The following ZNRF2 variants were observed in gnomAD, a reference collection of about 807,000 sequenced individuals.
The protein encoded by ZNRF2 is zinc and ring finger 2.
ZNRF2 carries 16 observed loss-of-function variants against 20.4 expected under a neutral mutation model. That is an observed-to-expected ratio of 0.79 (90% CI 0.53 to 1.19). ZNRF2 has a LOEUF of 1.19. Ranked by LOEUF, ZNRF2 falls within the 50% of genes most tolerant of loss-of-function variation. The probability of loss-of-function intolerance (pLI) is 0.00; values close to 1 mark genes in which losing one functional copy is unlikely to be tolerated. For synonymous variants in ZNRF2, 178 were observed against 144.9 expected, an observed-to-expected ratio of 1.23 and a Z score of -1.64; for missense variants, 363 against 332.4, an observed-to-expected ratio of 1.09 and a Z score of -0.72.
rs1027063231 is a variant in ZNRF2 at position 30,366,351 on chromosome 7, G to T, written c.*339G>T. On this transcript the variant is annotated 3_prime_UTR_variant, in exon 5 of 5. Transcript: ENST00000323037. Reference sequence around the variant, plus strand: ...GCCAAAGTTAACTGATTTAAAAGTTGATTTACTTTTTATTAAGTTCTCCAG... The same window carrying T: ...GCCAAAGTTAACTGATTTAAAAGTTTATTTACTTTTTATTAAGTTCTCCAG... 3.3e-5 allele frequency: 5 copies of T among 152,492 alleles called. No homozygotes were observed. Among genetic ancestry groups the T allele is most frequent in the Non-Finnish European group, 7.4e-5 (5 of 67,980 alleles). The allele number at this position is 152,492 out of a possible 1,614,324, so 9.4% of individuals were successfully genotyped here. A position where few individuals can be genotyped will look rare whatever the true frequency, so the allele number is the denominator to read the frequency against.
intron 1 of ZNRF2, among the ~76,000 whole-genome samples, chr7:30,298,445 CTCTG>C (rs766537799): frequency 6.6e-6 from 1 of 152,152 alleles, no homozygotes; most frequent in African/African-American, 2.4e-5. Context: ...ATGTAGTGTC[CTCTG>C]TCTGGGCCAT....
intron 2 of ZNRF2, among the ~76,000 whole-genome samples, chr7:30,341,877 A>G (rs1486648717): frequency 1.3e-5 from 2 of 152,086 alleles, no homozygotes; most frequent in Non-Finnish European, 2.9e-5. Flanking sequence ...GTCTCTAAGA[A>G]CTTACTTTAT....
chr7:30,349,702 C>T (rs1226743754), intron 2 of ZNRF2, among the ~76,000 whole-genome samples: 1 of 151,902 alleles, frequency 6.6e-6, no homozygotes, highest in Admixed American at 6.6e-5. Flanking sequence ...CAGTAATAAG[C>T]TTGAAAATCA....
In ZNRF2 at chr7:30,362,412, G is replaced by T; in HGVS notation, c.707G>T (p.Cys236Phe). 6.3e-7 allele frequency: 1 copy of T among 1,598,694 alleles called. No homozygotes were observed. The highest frequency in any genetic ancestry group is 8.5e-7 in the Non-Finnish European group (1 of 1,170,140). Residue 236 changes from cysteine (C) to phenylalanine (F), a missense_variant, in exon 4 of 5, where the codon TGC (cysteine) becomes TTC (phenylalanine). Physicochemically the swap from Cys to Phe is radical, Grantham distance 205. This residue lies in a region of ZNRF2 where 61 missense variants were observed against 100.9 expected (regional missense o/e 0.60). Coordinates refer to ENST00000323037, the MANE Select transcript of ZNRF2 (RefSeq NM_147128.4). ...GAATGGTTTGAAGTAAATAGATCTTGCCCTGAGCACCCTTCAGATTAAGCG... is the reference window on the plus strand; with the variant it reads ...GAATGGTTTGAAGTAAATAGATCTTTCCCTGAGCACCCTTCAGATTAAGCG... Reference protein sequence around the residue: ...IDEWFEVNRSCPEHPSD With the variant: ...IDEWFEVNRSFPEHPSD
chr7:30,332,485 A>G (rs887032561), intron 2 of ZNRF2, among the ~76,000 whole-genome samples: 1 of 152,210 alleles, frequency 6.6e-6, no homozygotes, highest in African/African-American at 2.4e-5. Flanking sequence ...TAGCAAACAT[A>G]GTACCTAATA....
intron 2 of ZNRF2, among the ~76,000 whole-genome samples, chr7:30,330,016 T>C (rs999993489): frequency 5.9e-5 from 9 of 152,220 alleles, no homozygotes; most frequent in African/African-American, 2.2e-4. Flanking sequence ...TAAGATCATA[T>C]CTTATTGTAG....
intron 2 of ZNRF2, among the ~76,000 whole-genome samples, chr7:30,344,502 T>TG (rs1361906637): frequency 6.6e-6 from 1 of 152,192 alleles, no homozygotes; most frequent in Non-Finnish European, 1.5e-5. Context: ...AAGTTTTTTT[T>TG]GTACTTCTCT....
chr7:30,367,458 A>G lies in ZNRF2; in HGVS notation c.*1446A>G, dbSNP rs1041406779. On this transcript the variant is annotated 3_prime_UTR_variant, in exon 5 of 5. Transcript: ENST00000323037. ...TGGTGTACTTTACTTGGTATAATTT[A>G]AAGTTGCACAGTAAGTACTGTTTCC... 7 of 152,474 alleles carry G rather than the reference A, an allele frequency of 4.6e-5. No homozygotes were observed. The highest frequency in any genetic ancestry group is 1.3e-4 in the Admixed American group (2 of 15,272). The allele number at this position is 152,474 out of a possible 1,614,324, so 9.4% of individuals were successfully genotyped here.
chr7:30,305,800 C>G (rs985786659), intron 1 of ZNRF2, among the ~76,000 whole-genome samples: 2 of 152,050 alleles, frequency 1.3e-5, no homozygotes, highest in African/African-American at 4.8e-5. Context: ...TTAGTTTATC[C>G]TCTGGTACTT....
chr7:30,339,758 G>A (rs1345689975), intron 2 of ZNRF2, among the ~76,000 whole-genome samples: 10 of 152,082 alleles, frequency 6.6e-5, no homozygotes, highest in Admixed American at 5.9e-4. Flanking sequence ...CTCTTTTTTG[G>A]TTCCCTATGA....
intron 2 of ZNRF2, among the ~76,000 whole-genome samples, chr7:30,330,748 G>A (rs1799624901): frequency 6.6e-6 from 1 of 150,580 alleles, no homozygotes. Context: ...TCTGAAATTG[G>A]CATTTTTTTT....
chr7:30,291,471 T>G (rs1202230170), intron 1 of ZNRF2, among the ~76,000 whole-genome samples: 2 of 152,202 alleles, frequency 1.3e-5, no homozygotes, highest in East Asian at 3.8e-4. Flanking sequence ...TTAGGATTCT[T>G]TTAAAATATA....
At chr7:30,344,308 A>G (rs1336603329) in intron 2 of ZNRF2, among the ~76,000 whole-genome samples, 2 of 149,332 alleles carry the variant, frequency 1.3e-5, no homozygotes, top group Admixed American at 1.3e-4. Context: ...TTCTAATTGT[A>G]TTTCTTATAA....
chr7:30,297,250 T>C (rs1402351768), intron 1 of ZNRF2, among the ~76,000 whole-genome samples: 1 of 152,248 alleles, frequency 6.6e-6, no homozygotes, highest in East Asian at 1.9e-4. Context: ...TGAGACCCTC[T>C]GACCTACCCT....
chr7:30,334,898 A>C (rs1445616482), intron 2 of ZNRF2, among the ~76,000 whole-genome samples: 1 of 151,628 alleles, frequency 6.6e-6, no homozygotes, highest in Non-Finnish European at 1.5e-5. Context: ...GCAGAAATTA[A>C]TCTTTTTAGA....
chr7:30,290,797 T>A (rs1020633137), intron 1 of ZNRF2, among the ~76,000 whole-genome samples: 9 of 151,436 alleles, frequency 5.9e-5, no homozygotes, highest in Non-Finnish European at 1.3e-4. Context: ...TTAAACTCAT[T>A]TTAATTTACT....
intron 1 of ZNRF2, among the ~76,000 whole-genome samples, chr7:30,295,048 AGAGTGTGTGTGT>A (rs1438368780): frequency 7.6e-4 from 60 of 79,090 alleles, no homozygotes; most frequent in East Asian, 3.6e-3. Flanking sequence ...AGAGAGAGAG[AGAGTGTGTGTGT>A]GTGTGTGTGT....
At chr7:30,355,907 G>T in intron 3 of ZNRF2, 74 bp downstream of exon 3, 1 of 1,147,268 alleles carries the variant, frequency 8.7e-7, no homozygotes. Context: ...GGGCTGAAAA[G>T]GAATCTTCGT....
intron 1 of ZNRF2, among the ~76,000 whole-genome samples, chr7:30,315,058 T>C (rs571962984): frequency 6.6e-6 from 1 of 152,218 alleles, no homozygotes; most frequent in African/African-American, 2.4e-5. Context: ...CATTGTGATC[T>C]GCCCACCTCA....
Sources: gnomAD v4.1 joint callset for allele counts (sites outside exome capture counted in the v4.1 genomes callset) on GRCh38, gnomAD v4.1.1 for gene constraint, gnomAD v4.1.1 regional missense constraint, MANE v1.5 for transcripts, NCBI Gene and HGNC (gene_info 2026-07-23, HGNC 2026-07-21) for gene names.